Variants in APOL5 observed in about 807,000 individuals in gnomAD.
The protein encoded by APOL5 is apolipoprotein L5, also known as apolipoprotein L, 5.
APOL5 carries 29 observed loss-of-function variants against 35.5 expected under a neutral mutation model. The observed-to-expected ratio is 0.82, with a 90% confidence interval of 0.61 to 1.11. The LOEUF (loss-of-function observed/expected upper bound fraction) is 1.11, where lower values mean the gene tolerates loss of function less well. Among genes scored for constraint, APOL5 ranks in the 50% most tolerant of loss-of-function variants. The pLI is 0.00. For missense variants in APOL5, 514 were observed against 530.4 expected, an observed-to-expected ratio of 0.97 and a Z score of 0.30; for synonymous variants, 188 against 200.2, an observed-to-expected ratio of 0.94 and a Z score of 0.51.
At chr22:35,717,609 A>G (rs564138303), upstream of APOL5, among the ~76,000 whole-genome samples, 11 of 151,308 alleles carry the variant, frequency 7.3e-5, no homozygotes, top group Non-Finnish European at 1.5e-4. Context: ...GCATGGTGGC[A>G]GGCACCTGTA....
At chr22:35,716,694 T>C (rs543762047), upstream of APOL5, among the ~76,000 whole-genome samples, 1 of 152,284 alleles carries the variant, frequency 6.6e-6, no homozygotes, top group East Asian at 1.9e-4. Context: ...CCTGTTCACA[T>C]TTGGTGTATC....
chr22:35,717,763 G>GAA (rs1926808957), upstream of APOL5: 2 of 344,234 alleles, frequency 5.8e-6, no homozygotes, highest in East Asian at 4.5e-5. Flanking sequence ...AGAAAGAAAA[G>GAA]AAAAGAAAAA....
chr22:35,722,593 G>A (rs775679735), intron 2 of APOL5, among the ~76,000 whole-genome samples: 1 of 152,160 alleles, frequency 6.6e-6, no homozygotes, highest in East Asian at 1.9e-4. Context: ...GAGCCACTGC[G>A]CCCGGCCCTA....
Position 35,726,679 on chromosome 22 carries a change from G to C in APOL5, c.611G>C (p.Arg204Pro), listed in dbSNP as rs369158723. The change falls in exon 3 of 5, where the codon CGA becomes CCA. Residue 204 changes from arginine (R) to proline (P), a missense_variant. By Grantham distance (103) the Arg-to-Pro change is moderately radical. Transcript: ENST00000249044. Reference protein sequence around the residue: ...SNSAARDKASRLGPLTTSHEA... With the variant: ...SNSAARDKASPLGPLTTSHEA... Reference sequence around the variant, plus strand: ...TCAGCAGCAAGAGACAAAGCCAGCCGACTGGGGCCTCTGACAACATCACAT... The same window carrying C: ...TCAGCAGCAAGAGACAAAGCCAGCCCACTGGGGCCTCTGACAACATCACAT... 6.2e-7 allele frequency: 1 copy of C among 1,614,200 alleles called. No individual in the cohort carries two copies. The highest frequency in any genetic ancestry group is 1.3e-5 in the African/African-American group (1 of 75,036).
In APOL5 at chr22:35,722,609, TTACCC is replaced by T. The variant is rs564582394; in HGVS notation, c.142+1958_142+1962del. 1.1e-4 allele frequency among the ~76,000 whole-genome samples: 16 copies of T among 152,252 alleles called. 1 individual carries two copies. In the South Asian group the frequency reaches 3.3e-3, roughly 32 times the overall value. ...AGCCACTGCGCCCGGCCCTAGGTTCTTACCCTAACTCCACCACTAACTCAATTGTA... is the reference window on the plus strand; with the variant it reads ...AGCCACTGCGCCCGGCCCTAGGTTCTTAACTCCACCACTAACTCAATTGTA... On this transcript the variant is annotated intron_variant, in intron 2 of 4. Transcript: ENST00000249044.
chr22:35,713,404 C>G (rs1039227533), upstream of APOL5, among the ~76,000 whole-genome samples: 1 of 152,226 alleles, frequency 6.6e-6, no homozygotes, highest in African/African-American at 2.4e-5. Context: ...CCTGCACCCT[C>G]TCTCTGGGGT....
chr22:35,719,645 G>A (rs1457728584), intron 1 of APOL5, among the ~76,000 whole-genome samples: 3 of 152,182 alleles, frequency 2.0e-5, no homozygotes, highest in Non-Finnish European at 4.4e-5. Flanking sequence ...TCACTTCTTC[G>A]GTGCCCTGCG....
the APOL5 span, among the ~76,000 whole-genome samples, chr22:35,711,010 T>TA: frequency 6.6e-6 from 1 of 151,930 alleles, no homozygotes; most frequent in Non-Finnish European, 1.5e-5. Flanking sequence ...CTATTAAAAA[T>TA]AAAAAAATAT....
At chr22:35,715,538 C>A (rs1202120698), upstream of APOL5, among the ~76,000 whole-genome samples, 1 of 152,016 alleles carries the variant, frequency 6.6e-6, no homozygotes, top group Non-Finnish European at 1.5e-5. Context: ...CCCAGCTACT[C>A]GGGAGACTGA....
At chr22:35,723,619 G>A (rs566597941) in intron 2 of APOL5, among the ~76,000 whole-genome samples, 1 of 152,200 alleles carries the variant, frequency 6.6e-6, no homozygotes, top group Non-Finnish European at 1.5e-5. Context: ...GTTAACAAGC[G>A]GCCAGAGTAG....
rs772868012 is a variant in APOL5, at chr22:35,726,845, C to G, written c.777C>G (p.Val259=). The change falls in exon 3 of 5, where the codon GTC becomes GTG. Residue 259 remains valine (V), a synonymous_variant. Coordinates refer to ENST00000249044, the MANE Select transcript of APOL5 (RefSeq NM_030642.1). The part of the protein sequence containing the change: ...AKSNSGFMAM[V]KNFVAKRHIP... Reference sequence around the variant, plus strand: ...CCAACTCTGGCTTCATGGCTATGGTCAAGAATTTTGTGGCCAAGAGACACA... The same window carrying G: ...CCAACTCTGGCTTCATGGCTATGGTGAAGAATTTTGTGGCCAAGAGACACA... The G allele has an allele frequency of 1.2e-6, 2 of 1,614,212 alleles. No homozygotes were observed. Among genetic ancestry groups the G allele is most frequent in the Admixed American group, 1.7e-5 (1 of 60,024 alleles).
In APOL5 at chr22:35,726,367, A is replaced by C. The variant is rs191845601; in HGVS notation, c.299A>C (p.Lys100Thr). 1 of 1,614,126 alleles carries C rather than the reference A, an allele frequency of 6.2e-7. No individual in the cohort carries two copies. Among genetic ancestry groups the C allele is most frequent in the East Asian group, 2.2e-5 (1 of 44,880 alleles). The stretch of plus-strand genomic sequence containing the variant: ...GATGGAAATCTGTCAGAGGAGGAAA[A>C]ATTGTTTCTCTCATATTTTCCTTTG... Reference protein sequence around the residue: ...MPDGNLSEEEKLFLSYFPLHK... With the variant: ...MPDGNLSEEETLFLSYFPLHK... Residue 100 changes from lysine (K) to threonine (T), a missense_variant, in exon 3 of 5, where the codon AAA becomes ACA. Physicochemically the swap from Lys to Thr is moderately conservative, Grantham distance 78. Transcript: ENST00000249044.
intron 2 of APOL5, among the ~76,000 whole-genome samples, chr22:35,722,820 C>T (rs1927019954): frequency 1.3e-5 from 2 of 152,290 alleles, no homozygotes; most frequent in Admixed American, 6.5e-5. Context: ...GTGATTCTCC[C>T]GTGCTTTAGA....
chr22:35,717,328 C>T (rs1322817932), upstream of APOL5, among the ~76,000 whole-genome samples: 3 of 146,500 alleles, frequency 2.0e-5, no homozygotes, highest in South Asian at 2.2e-4. Flanking sequence ...CACTTGAGCC[C>T]GGGAGGTTAC....
chr22:35,714,816 T>C (rs1926694830), upstream of APOL5, among the ~76,000 whole-genome samples: 1 of 152,202 alleles, frequency 6.6e-6, no homozygotes, highest in Non-Finnish European at 1.5e-5. Context: ...CTGTGTGTGA[T>C]CCCTGAGCAC....
intron 2 of APOL5, among the ~76,000 whole-genome samples, chr22:35,725,150 G>C (rs1601898489): frequency 6.6e-6 from 1 of 152,212 alleles, no homozygotes; most frequent in Admixed American, 6.5e-5. Context: ...TATCAAGACA[G>C]GGGAATTGCA....
intron 4 of APOL5, 102 bp from the exon 5 acceptor site, chr22:35,729,252 G>T: frequency 5.0e-6 from 1 of 198,322 alleles, no homozygotes; most frequent in Non-Finnish European, 1.0e-5. Context: ...ACCTCGCCCA[G>T]CCCTGTAATA....
upstream of APOL5, among the ~76,000 whole-genome samples, chr22:35,717,414 A>C (rs1392460855): frequency 6.7e-6 from 1 of 148,230 alleles, no homozygotes; most frequent in Non-Finnish European, 1.5e-5. Context: ...GAAAGAAAAA[A>C]AAAAAAGAAA....
At chr22:35,722,150 G>T (rs1185531949) in intron 2 of APOL5, among the ~76,000 whole-genome samples, 1 of 152,114 alleles carries the variant, frequency 6.6e-6, no homozygotes, top group African/African-American at 2.4e-5. Flanking sequence ...TCTTATCCGT[G>T]TCCTTGACTT....
Sources: allele counts gnomAD v4.1 joint callset (sites outside exome capture counted in the v4.1 genomes callset), GRCh38; gene constraint gnomAD v4.1.1; transcripts MANE v1.5; gene names NCBI Gene and HGNC (gene_info 2026-07-23, HGNC 2026-07-21).